The following PDE5A variants were observed in gnomAD, a reference collection of about 807,000 sequenced individuals.
PDE5A encodes the protein phosphodiesterase 5A.
Under a neutral mutation model 110.2 loss-of-function variants are expected in PDE5A, and 67 were observed. That is an observed-to-expected ratio of 0.61 (90% CI 0.50 to 0.75). The LOEUF is 0.75. Among genes scored for constraint, PDE5A ranks in the 30% least tolerant of loss-of-function variants. The pLI is 0.00. For missense variants in PDE5A, 862 were observed against 1,045.1 expected, an observed-to-expected ratio of 0.82 and a Z score of 2.42; for synonymous variants, 328 against 351.2, an observed-to-expected ratio of 0.93 and a Z score of 0.74.
intron 13 of PDE5A, among the ~76,000 whole-genome samples, chr4:119,520,041 G>A (rs1215234006): frequency 6.6e-6 from 1 of 152,040 alleles, no homozygotes; most frequent in Non-Finnish European, 1.5e-5. Context: ...AAAAAAATCT[G>A]AAGTCCAAAA....
At chr4:119,601,097 AGT>A (rs1729328453) in intron 2 of PDE5A, among the ~76,000 whole-genome samples, 1 of 152,124 alleles carries the variant, frequency 6.6e-6, no homozygotes, top group African/African-American at 2.4e-5. Flanking sequence ...GAGTGATACT[AGT>A]GTATTTCCAT....
intron 15 of PDE5A, among the ~76,000 whole-genome samples, chr4:119,509,675 T>C (rs1725673886): frequency 6.6e-6 from 1 of 152,012 alleles, no homozygotes; most frequent in South Asian, 2.1e-4. Flanking sequence ...TCACACATGA[T>C]ATAATTCACA....
intron 3 of PDE5A, among the ~76,000 whole-genome samples, chr4:119,576,197 G>C (rs538749574): frequency 4.5e-4 from 69 of 152,252 alleles, no homozygotes; most frequent in African/African-American, 1.6e-3. Flanking sequence ...CAAGTCCTTA[G>C]AGACCTACAA....
At chr4:119,551,088 T>C (rs1727337692) in intron 9 of PDE5A, among the ~76,000 whole-genome samples, 1 of 152,204 alleles carries the variant, frequency 6.6e-6, no homozygotes, top group Admixed American at 6.5e-5. Context: ...GGTCAGGAGC[T>C]GACCCTCAAC....
intron 12 of PDE5A, among the ~76,000 whole-genome samples, chr4:119,523,444 TTCA>T (rs1726200032): frequency 6.6e-6 from 1 of 152,050 alleles, no homozygotes. Context: ...ACATTTTTAT[TTCA>T]TCATCCTAAA....
intron 7 of PDE5A, among the ~76,000 whole-genome samples, chr4:119,554,562 G>A (rs570304136): frequency 5.9e-5 from 9 of 152,134 alleles, no homozygotes; most frequent in African/African-American, 2.2e-4. Context: ...AGAGGGTCAG[G>A]TTATGGGAAT....
chr4:119,559,005 TAATA>T (rs1398882514), intron 7 of PDE5A, among the ~76,000 whole-genome samples: 4 of 151,990 alleles, frequency 2.6e-5, no homozygotes, highest in Non-Finnish European at 4.4e-5. Flanking sequence ...TAAAGTCAAT[TAATA>T]AATCAGTTAA....
chr4:119,559,399 TC>T (rs1727663990), intron 7 of PDE5A, among the ~76,000 whole-genome samples: 1 of 152,168 alleles, frequency 6.6e-6, no homozygotes, highest in Non-Finnish European at 1.5e-5. Flanking sequence ...AGATAATTCA[TC>T]ATTTTGGACT....
chr4:119,515,179 C>T (rs985902402), intron 14 of PDE5A, among the ~76,000 whole-genome samples: 3 of 148,202 alleles, frequency 2.0e-5, no homozygotes, highest in Middle Eastern at 3.5e-3. Context: ...GATCTCCAGG[C>T]TCTCAAGATC....
intron 18 of PDE5A, among the ~76,000 whole-genome samples, chr4:119,503,477 C>CT (rs1235290794): frequency 3.9e-5 from 6 of 152,084 alleles, no homozygotes; most frequent in Non-Finnish European, 4.4e-5. Flanking sequence ...CCAGAAATCT[C>CT]TATGTTCTAC....
chr4:119,511,719 C>T (rs761083997), intron 14 of PDE5A, among the ~76,000 whole-genome samples: 10 of 152,064 alleles, frequency 6.6e-5, no homozygotes, highest in Non-Finnish European at 1.5e-4. Flanking sequence ...GAAAGTTCCC[C>T]ATGTAGGATC....
intron 12 of PDE5A, among the ~76,000 whole-genome samples, chr4:119,524,144 C>T (rs1047421811): frequency 5.3e-5 from 8 of 151,980 alleles, no homozygotes; most frequent in South Asian, 2.1e-4. Flanking sequence ...CACAGATGCA[C>T]GTATAATTCT....
intron 7 of PDE5A, among the ~76,000 whole-genome samples, chr4:119,556,728 AAGGAGAGACATC>A (rs1727553442): frequency 1.3e-5 from 2 of 152,192 alleles, no homozygotes; most frequent in Non-Finnish European, 2.9e-5. Context: ...AGAATTTTTA[AAGGAGAGACATC>A]AGGAATGAAA....
Position 119,498,452 on chromosome 4 carries a change from T to C in PDE5A, c.*149A>G. The stretch of plus-strand genomic sequence containing the variant: ...AATAGTCCTCTAAAAACATTCATGC[T>C]ATACTCTCAAAAGTTGTGCAAAAAT... On this transcript the variant is annotated 3_prime_UTR_variant, in exon 21 of 21. Coordinates refer to ENST00000354960, the MANE Select transcript of PDE5A (RefSeq NM_001083.4). 1.3e-6 allele frequency: 1 copy of C among 752,674 alleles called. No homozygotes were observed. The highest frequency in any genetic ancestry group is 1.9e-5 in the South Asian group (1 of 51,722). 46.6% of individuals were successfully genotyped at this position (752,674 alleles called of 1,614,324 possible). A position where few individuals can be genotyped will look rare whatever the true frequency, so the allele number is the denominator to read the frequency against.
At chr4:119,606,678 A>G (rs1165192878) in intron 2 of PDE5A, 31 bp downstream of exon 2, 1 of 1,538,034 alleles carries the variant, frequency 6.5e-7, no homozygotes, top group Non-Finnish European at 9.0e-7. Context: ...CCTCCCCAGC[A>G]CTGGTCCTGC....
chr4:119,519,822 G>A (rs1452252413), intron 13 of PDE5A, among the ~76,000 whole-genome samples: 2 of 152,000 alleles, frequency 1.3e-5, no homozygotes, highest in Non-Finnish European at 2.9e-5. Flanking sequence ...TTTCAGTGTT[G>A]ATAATCCTTG....
chr4:119,591,291 G>A (rs1202709490), intron 3 of PDE5A, among the ~76,000 whole-genome samples: 1 of 152,156 alleles, frequency 6.6e-6, no homozygotes, highest in Non-Finnish European at 1.5e-5. Context: ...CAGTGTGCCA[G>A]GAACTACGTT....
rs199877732 is a variant in PDE5A, at chr4:119,565,273, A to G, written c.993+48T>C. The G allele has an allele frequency of 1.5e-4, 198 of 1,298,052 alleles. 3 individuals carry two copies. The South Asian group carries it at 2.1e-3, about 14-fold the overall frequency. 80.4% of individuals were successfully genotyped at this position (1,298,052 alleles called of 1,614,324 possible). On this transcript the variant is annotated intron_variant, in intron 5 of 20. Coordinates refer to ENST00000354960, the MANE Select transcript of PDE5A (RefSeq NM_001083.4). ...TACATTACTTGGATAAAAATGTAACAATTTTTAAAAAGTATTTCTATGCAC... is the reference window on the plus strand; with the variant it reads ...TACATTACTTGGATAAAAATGTAACGATTTTTAAAAAGTATTTCTATGCAC...
intron 14 of PDE5A, chr4:119,517,062 GACT>G (rs1350833960): frequency 6.6e-6 from 1 of 152,196 alleles, no homozygotes. Context: ...ATCAAATGAT[GACT>G]CAAGGGGCAA....
Sources: allele counts gnomAD v4.1 joint callset (sites outside exome capture counted in the v4.1 genomes callset), GRCh38; gene constraint gnomAD v4.1.1; transcripts MANE v1.5; gene names NCBI Gene and HGNC (gene_info 2026-07-23, HGNC 2026-07-21).